MYO1D: variants seen among roughly 807,000 people sequenced by gnomAD.
MYO1D encodes unconventional myosin-Id.
MYO1D carries 83 observed loss-of-function variants against 122.0 expected under a neutral mutation model. That is an observed-to-expected ratio of 0.68 (90% CI 0.57 to 0.82). The LOEUF (loss-of-function observed/expected upper bound fraction) is 0.82, where lower values mean the gene tolerates loss of function less well. Among genes scored for constraint, MYO1D ranks in the 40% least tolerant of loss-of-function variants. The pLI is 0.00. For missense variants in MYO1D, 1,157 were observed against 1,269.5 expected (o/e 0.91, Z 1.35); for synonymous variants, 464 against 446.9 (o/e 1.04, Z -0.48).
At chr17:32,634,135 C>T (rs769280919) in intron 20 of MYO1D, among the ~76,000 whole-genome samples, 13 of 152,170 alleles carry the variant, frequency 8.5e-5, no homozygotes, top group Non-Finnish European at 1.6e-4. Context: ...TGATGTATAA[C>T]TGCCTAAAAT....
chr17:32,524,929 C>T (rs1021116521), intron 21 of MYO1D, among the ~76,000 whole-genome samples: 2 of 152,142 alleles, frequency 1.3e-5, no homozygotes, highest in Non-Finnish European at 2.9e-5. Flanking sequence ...TCTTAAACTC[C>T]TGGGCTCAAG....
At chr17:32,650,531 A>C (rs1036599646) in intron 19 of MYO1D, among the ~76,000 whole-genome samples, 1 of 152,070 alleles carries the variant, frequency 6.6e-6, no homozygotes, top group Non-Finnish European at 1.5e-5. Flanking sequence ...GGCTGCACCT[A>C]TATTAGGCCA....
Position 32,780,760 on chromosome 17 carries a change from CG to C in MYO1D, c.119del (p.Thr40SerfsTer10). On this transcript the variant is annotated frameshift_variant, in exon 2 of 22. Coordinates refer to ENST00000318217, the MANE Select transcript of MYO1D (RefSeq NM_015194.3). LOFTEE classifies it high-confidence loss of function. ...RLRFEKGRIY[T>X]FIGEVVVSVN... ...CAGAAACGACGACTTCTCCAATGAA[CG>C]TATAGATGCGCCCTTTTTCAAATCT... 6.2e-7 allele frequency: 1 copy of C among 1,614,130 alleles called. No homozygotes were observed. Among genetic ancestry groups the C allele is most frequent in the South Asian group, 1.1e-5 (1 of 91,078 alleles).
intron 1 of MYO1D, among the ~76,000 whole-genome samples, chr17:32,870,772 A>T (rs1012095653): frequency 2.0e-5 from 3 of 152,150 alleles, no homozygotes; most frequent in Non-Finnish European, 2.9e-5. Context: ...CTTCACAGCC[A>T]CTCACTTGCA....
In MYO1D at chr17:32,605,228, C is replaced by A; in HGVS notation, c.2723G>T (p.Ser908Ile). The change falls in exon 21 of 22, where the codon AGT becomes ATT. Residue 908 changes from serine to isoleucine, a missense_variant. Coordinates refer to ENST00000318217, the MANE Select transcript of MYO1D (RefSeq NM_015194.3). Reference sequence around the variant, plus strand: ...AAGTTGGTCCTTTCCATTGGAGACACTCAGACCAGTCAACTGCAAAGAGAA... The same window carrying A: ...AAGTTGGTCCTTTCCATTGGAGACAATCAGACCAGTCAACTGCAAAGAGAA... ...TIPLYNLTGL[S>I]VSNGKDQLVV... 6.4e-7 allele frequency: 1 copy of A among 1,564,030 alleles called. No homozygotes were observed.
At chr17:32,705,276 T>G (rs981545582) in intron 16 of MYO1D, among the ~76,000 whole-genome samples, 4 of 152,210 alleles carry the variant, frequency 2.6e-5, no homozygotes, top group African/African-American at 4.8e-5. Context: ...TCTTTTTTTT[T>G]TGAGATGGAG....
intron 21 of MYO1D, among the ~76,000 whole-genome samples, chr17:32,520,947 C>T (rs1266367283): frequency 6.6e-6 from 1 of 152,178 alleles, no homozygotes; most frequent in Non-Finnish European, 1.5e-5. Flanking sequence ...GGAAATCAAT[C>T]AGGGAATGGT....
intron 1 of MYO1D, among the ~76,000 whole-genome samples, chr17:32,865,371 A>AT (rs142771174): frequency 4.4e-4 from 67 of 151,478 alleles, no homozygotes; most frequent in East Asian, 2.3e-3. Flanking sequence ...AGATTAAGCC[A>AT]TTTTTTTTTG....
chr17:32,810,423 C>G (rs953582103), intron 1 of MYO1D, among the ~76,000 whole-genome samples: 2 of 151,868 alleles, frequency 1.3e-5, no homozygotes, highest in African/African-American at 4.8e-5. Context: ...TTGAAAATTC[C>G]TGATCTCTGT....
At chr17:32,811,210 A>G (rs2151050479) in intron 1 of MYO1D, among the ~76,000 whole-genome samples, 1 of 152,348 alleles carries the variant, frequency 6.6e-6, no homozygotes, top group African/African-American at 2.4e-5. Context: ...GGATATTTCA[A>G]CTAGGATGTC....
intron 20 of MYO1D, among the ~76,000 whole-genome samples, chr17:32,631,139 CA>C (rs1220072884): frequency 1.3e-5 from 2 of 152,076 alleles, no homozygotes; most frequent in African/African-American, 4.8e-5. Context: ...CAGTCTGTAA[CA>C]GTGAATTATA....
At chr17:32,607,746 A>C (rs1377441763) in intron 20 of MYO1D, among the ~76,000 whole-genome samples, 1 of 152,188 alleles carries the variant, frequency 6.6e-6, no homozygotes, top group African/African-American at 2.4e-5. Flanking sequence ...GGGCTCATAG[A>C]GGCTGATTTT....
Position 32,876,920 on chromosome 17 carries a change from G to T in MYO1D, c.-48C>A. On this transcript the variant is annotated 5_prime_UTR_variant, in exon 1 of 22. Transcript: ENST00000318217. Reference sequence around the variant, plus strand: ...TGGGCGCGCTCGGGCCTCCGGGGCCGCTCCGTGGGCCCGCGATGAGCTCGG... The same window carrying T: ...TGGGCGCGCTCGGGCCTCCGGGGCCTCTCCGTGGGCCCGCGATGAGCTCGG... The T allele has an allele frequency of 2.4e-6, 3 of 1,240,286 alleles. No individual in the cohort carries two copies. Among genetic ancestry groups the T allele is most frequent in the Non-Finnish European group, 3.2e-6 (3 of 932,200 alleles). The allele number at this position is 1,240,286 out of a possible 1,614,324, so 76.8% of individuals were successfully genotyped here.
At chr17:32,867,798 CAAAAAAAAAAAA>C (rs5820001) in intron 1 of MYO1D, among the ~76,000 whole-genome samples, 2 of 53,902 alleles carry the variant, frequency 3.7e-5, no homozygotes, top group African/African-American at 7.4e-5. Context: ...GACTCCGTCT[CAAAAAAAAAAAA>C]AAAAAAAAAA....
intron 20 of MYO1D, among the ~76,000 whole-genome samples, chr17:32,634,976 A>G (rs937405337): frequency 2.6e-5 from 4 of 152,224 alleles, no homozygotes; most frequent in African/African-American, 9.6e-5. Context: ...CCCAAAATGA[A>G]TAGTAGGAAT....
At chr17:32,521,332 T>G (rs1267173983) in intron 21 of MYO1D, among the ~76,000 whole-genome samples, 1 of 152,174 alleles carries the variant, frequency 6.6e-6, no homozygotes, top group Non-Finnish European at 1.5e-5. Flanking sequence ...TTGTCTCTCA[T>G]AGCACTCATG....
chr17:32,851,329 C>T (rs1222225842), intron 1 of MYO1D, among the ~76,000 whole-genome samples: 2 of 152,162 alleles, frequency 1.3e-5, no homozygotes, highest in South Asian at 2.1e-4. Context: ...AGAGGGAGCC[C>T]CAGAGCTCTG....
At chr17:32,839,037 T>C (rs1028184850) in intron 1 of MYO1D, among the ~76,000 whole-genome samples, 2 of 152,218 alleles carry the variant, frequency 1.3e-5, no homozygotes, top group African/African-American at 4.8e-5. Context: ...CAGCCATGTT[T>C]CCTTCCATCA....
chr17:32,752,506 T>C (rs1366908853), intron 11 of MYO1D, among the ~76,000 whole-genome samples: 2 of 152,178 alleles, frequency 1.3e-5, no homozygotes, highest in Non-Finnish European at 1.5e-5. Context: ...AGAAAATATC[T>C]GTAAATTATG....
Sources: allele counts gnomAD v4.1 joint callset (sites outside exome capture counted in the v4.1 genomes callset), GRCh38; gene constraint gnomAD v4.1.1; transcripts MANE v1.5; gene names NCBI Gene and HGNC (gene_info 2026-07-23, HGNC 2026-07-21).